PLCH1: variants seen among roughly 807,000 people sequenced by gnomAD.
PLCH1 encodes the protein 1-phosphatidylinositol 4,5-bisphosphate phosphodiesterase eta-1.
A neutral mutation model predicts 126.7 loss-of-function variants in PLCH1; 60 were observed. The observed-to-expected ratio is 0.47, with a 90% confidence interval of 0.38 to 0.59. The LOEUF (loss-of-function observed/expected upper bound fraction) is 0.59. PLCH1 is among the 20% of genes least tolerant of loss of function. The pLI is 0.00. For synonymous variants in PLCH1, 719 were observed against 734.9 expected, an observed-to-expected ratio of 0.98 and a Z score of 0.35; for missense variants, 1,723 against 2,040.0, an observed-to-expected ratio of 0.84 and a Z score of 2.99.
rs1384085967 is a variant in PLCH1 at position 155,697,057 on chromosome 3, A to G, written c.79+7089T>C. Among the ~76,000 whole-genome samples, 4 of 152,356 alleles carry G rather than the reference A, an allele frequency of 2.6e-5. No homozygotes were observed. In the East Asian group the frequency reaches 7.7e-4, roughly 29 times the overall value. On this transcript the variant is annotated intron_variant, in intron 2 of 22. Coordinates refer to ENST00000460012, the MANE Select transcript of PLCH1 (RefSeq NM_014996.4). ...CGTTGCAGAAGATAAATGACCTTGCATAGAAAGCATGACAGAGAGATCACA... is the reference window on the plus strand; with the variant it reads ...CGTTGCAGAAGATAAATGACCTTGCGTAGAAAGCATGACAGAGAGATCACA...
chr3:155,479,015 A>C (rs978373140), downstream of PLCH1, among the ~76,000 whole-genome samples: 4 of 152,158 alleles, frequency 2.6e-5, no homozygotes, highest in Non-Finnish European at 5.9e-5. Context: ...CTATTTTCTG[A>C]AATTGCTTGT....
intron 10 of PLCH1, among the ~76,000 whole-genome samples, chr3:155,542,380 T>G (rs509503): frequency 0.81 from 123,598 of 152,188 alleles, 52,010 homozygotes; most frequent in Middle Eastern, 0.95. Flanking sequence ...CAAAGCAGCC[T>G]GGAAGCTCGA....
At chr3:155,573,806 A>C (rs1729565793) in intron 6 of PLCH1, among the ~76,000 whole-genome samples, 1 of 152,242 alleles carries the variant, frequency 6.6e-6, no homozygotes, top group South Asian at 2.1e-4. Context: ...TGCATTGCAA[A>C]GACACATATG....
chr3:155,626,120 A>C (rs961789717), intron 2 of PLCH1, among the ~76,000 whole-genome samples: 1 of 152,162 alleles, frequency 6.6e-6, no homozygotes, highest in African/African-American at 2.4e-5. Context: ...GCAAACTAAC[A>C]CAGGAACAGA....
intron 1 of PLCH1, 80 bp from the exon 2 acceptor site, chr3:155,704,344 T>C (rs2109083543): frequency 2.5e-6 from 1 of 407,458 alleles, no homozygotes; most frequent in East Asian, 3.6e-5. Flanking sequence ...TGCCATCGGT[T>C]GCCCAGCATT....
At chr3:155,564,492 G>A (rs534811670) in intron 8 of PLCH1, among the ~76,000 whole-genome samples, 1 of 152,226 alleles carries the variant, frequency 6.6e-6, no homozygotes, top group South Asian at 2.1e-4. Context: ...TTGAACCTGG[G>A]AGGTGGAGAT....
chr3:155,530,512 T>C (rs1722530224), intron 10 of PLCH1, among the ~76,000 whole-genome samples: 2 of 151,886 alleles, frequency 1.3e-5, no homozygotes, highest in South Asian at 4.2e-4. Flanking sequence ...AGAGACGGGG[T>C]TTCACTGTGT....
At chr3:155,469,676 G>C (rs1713095427) in intron 21 of PLCH1, among the ~76,000 whole-genome samples, 1 of 151,806 alleles carries the variant, frequency 6.6e-6, no homozygotes, top group Non-Finnish European at 1.5e-5. Flanking sequence ...AAATGTCCCT[G>C]TCTGACAGCT....
intron 2 of PLCH1, among the ~76,000 whole-genome samples, chr3:155,665,117 G>C (rs1374799884): frequency 1.4e-5 from 2 of 142,518 alleles, no homozygotes; most frequent in Non-Finnish European, 3.2e-5. Flanking sequence ...CCTTCCATTT[G>C]GCCAGAGGAG....
At chr3:155,692,252 A>T (rs1024285246) in intron 2 of PLCH1, among the ~76,000 whole-genome samples, 4 of 152,190 alleles carry the variant, frequency 2.6e-5, no homozygotes, top group Non-Finnish European at 4.4e-5. Flanking sequence ...AATAGTCTAT[A>T]AAGTCAAGAT....
chr3:155,504,600 C>A lies in PLCH1; in HGVS notation c.1659G>T (p.Lys553Asn). The A allele has an allele frequency of 6.2e-7, 1 of 1,607,012 alleles. No individual in the cohort carries two copies. Among genetic ancestry groups the A allele is most frequent in the Non-Finnish European group, 8.5e-7 (1 of 1,173,510 alleles). Reference protein sequence around the residue: ...KQSPDVKESGKKSHGRSLMTN... With the variant: ...KQSPDVKESGNKSHGRSLMTN... ...TCATGAGGGATCGTCCATGTGATTT[C>A]TTTCCACTTTCCTTTACATCTGGAC... Residue 553 changes from lysine to asparagine, a missense_variant, in exon 13 of 23, where the codon AAG becomes AAT. By Grantham distance (94) the Lys-to-Asn change is moderately conservative. Around this residue, in one of 2 missense-constraint regions of PLCH1, gnomAD observed 776 missense variants for 1,062.9 expected, o/e 0.73. Coordinates refer to ENST00000460012, the MANE Select transcript of PLCH1 (RefSeq NM_014996.4).
intron 10 of PLCH1, among the ~76,000 whole-genome samples, chr3:155,547,737 G>A (rs1725553283): frequency 6.6e-6 from 1 of 151,840 alleles, no homozygotes; most frequent in African/African-American, 2.4e-5. Context: ...CATGTCCTTT[G>A]TAGGGACATG....
In PLCH1 at chr3:155,690,791, T is replaced by A. The variant is rs146942451; in HGVS notation, c.79+13355A>T. On this transcript the variant is annotated intron_variant, in intron 2 of 22. Transcript: ENST00000460012. ...GGACAAATTCCTCACTCCAGAGGACTAATACCCAAGCCCGGTGGTCTCCTA... is the reference window on the plus strand; with the variant it reads ...GGACAAATTCCTCACTCCAGAGGACAAATACCCAAGCCCGGTGGTCTCCTA... Among the ~76,000 whole-genome samples the A allele has an allele frequency of 1.9e-3, 283 of 152,314 alleles. 1 individual carries two copies. The highest frequency in any genetic ancestry group is 6.4e-3 in the African/African-American group (268 of 41,580).
At chr3:155,467,143 G>T (rs529128363) in intron 21 of PLCH1, among the ~76,000 whole-genome samples, 1 of 151,544 alleles carries the variant, frequency 6.6e-6, no homozygotes, top group African/African-American at 2.4e-5. Flanking sequence ...AATACAAAAG[G>T]TTATAGAACA....
At chr3:155,555,108 C>T (rs1726636547) in intron 8 of PLCH1, among the ~76,000 whole-genome samples, 1 of 152,230 alleles carries the variant, frequency 6.6e-6, no homozygotes, top group South Asian at 2.1e-4. Flanking sequence ...AGCACAGCAT[C>T]CAACACAGAG....
intron 8 of PLCH1, among the ~76,000 whole-genome samples, chr3:155,558,362 G>A (rs1727099630): frequency 1.3e-5 from 2 of 152,034 alleles, no homozygotes; most frequent in African/African-American, 4.8e-5. Context: ...CCTTCATCTG[G>A]CCACATGGCA....
intron 1 of PLCH1, among the ~76,000 whole-genome samples, chr3:155,720,451 T>A (rs1747869229): frequency 6.6e-6 from 1 of 152,256 alleles, no homozygotes; most frequent in African/African-American, 2.4e-5. Flanking sequence ...GGTTTTGATT[T>A]GCATTTCCCT....
At chr3:155,504,375 A>G (rs1352801630) in intron 13 of PLCH1, among the ~76,000 whole-genome samples, 180 bp downstream of exon 13, 2 of 152,134 alleles carry the variant, frequency 1.3e-5, no homozygotes, top group East Asian at 1.9e-4. Flanking sequence ...TTGCTTTTTG[A>G]TACTGTTGAT....
intron 11 of PLCH1, among the ~76,000 whole-genome samples, chr3:155,518,869 G>T (rs1336547519): frequency 6.6e-6 from 1 of 152,188 alleles, no homozygotes; most frequent in African/African-American, 2.4e-5. Context: ...AAGATCTGTG[G>T]CCATAACACC....
Sources: gnomAD v4.1 joint callset for allele counts (sites outside exome capture counted in the v4.1 genomes callset) on GRCh38, gnomAD v4.1.1 for gene constraint, gnomAD v4.1.1 regional missense constraint, MANE v1.5 for transcripts, NCBI Gene and HGNC (gene_info 2026-07-23, HGNC 2026-07-21) for gene names.